Variants in ARK2C observed in about 807,000 individuals in gnomAD.
ARK2C encodes E3 ubiquitin-protein ligase ARK2C.
At chr18:46,360,634 A>C in the ARK2C span, among the ~76,000 whole-genome samples, 3 of 152,162 alleles carry the variant, frequency 2.0e-5, no homozygotes, top group African/African-American at 7.2e-5. Context: ...AGACCCCTGC[A>C]TTAGTAAATC....
At chr18:46,424,101 C>T in the ARK2C span, among the ~76,000 whole-genome samples, 2 of 152,188 alleles carry the variant, frequency 1.3e-5, no homozygotes, top group Non-Finnish European at 2.9e-5. Context: ...AACAAAATGC[C>T]AAGTATAATG....
At chr18:46,374,567 A>G in the ARK2C span, among the ~76,000 whole-genome samples, 7 of 152,108 alleles carry the variant, frequency 4.6e-5, no homozygotes, top group African/African-American at 1.7e-4. Flanking sequence ...TTCAGGGTTC[A>G]CCTGTGCTGC....
the ARK2C span, chr18:46,450,248 G>T: frequency 1.6e-6 from 2 of 1,260,734 alleles, no homozygotes; most frequent in Non-Finnish European, 2.3e-6. Flanking sequence ...TGGGCTCATG[G>T]AGAAACCTTG....
the ARK2C span, among the ~76,000 whole-genome samples, chr18:46,370,350 C>G: frequency 6.6e-6 from 1 of 152,274 alleles, no homozygotes; most frequent in Non-Finnish European, 1.5e-5. Context: ...TAATAAGGTG[C>G]TAAGCCAAAA....
At chr18:46,385,052 C>T in the ARK2C span, among the ~76,000 whole-genome samples, 1 of 152,058 alleles carries the variant, frequency 6.6e-6, no homozygotes, top group African/African-American at 2.4e-5. Flanking sequence ...TGCAGGGCTC[C>T]CTTTCAGTTG....
the ARK2C span, among the ~76,000 whole-genome samples, chr18:46,431,471 A>G: frequency 0.13 from 19,876 of 152,092 alleles, 1,508 homozygotes; most frequent in African/African-American, 0.21. Flanking sequence ...AGCTCTTCCT[A>G]GGACCAATGA....
chr18:46,397,071 G>A, the ARK2C span, among the ~76,000 whole-genome samples: 11 of 152,222 alleles, frequency 7.2e-5, no homozygotes, highest in East Asian at 3.8e-4. Flanking sequence ...TCAGGAGTCC[G>A]TGAGGTTGGC....
At chr18:46,422,815 A>G in the ARK2C span, among the ~76,000 whole-genome samples, 8 of 152,214 alleles carry the variant, frequency 5.3e-5, no homozygotes, top group African/African-American at 1.7e-4. Context: ...GGGCCTCTGC[A>G]TGGACATCTG....
chr18:46,443,955 C>A, the ARK2C span, among the ~76,000 whole-genome samples: 4 of 152,104 alleles, frequency 2.6e-5, no homozygotes, highest in Admixed American at 2.6e-4. Context: ...TGCACTCTCT[C>A]AACTTTTTGA....
the ARK2C span, among the ~76,000 whole-genome samples, chr18:46,380,825 C>T: frequency 6.6e-6 from 1 of 152,234 alleles, no homozygotes. Context: ...GACCAGGTGC[C>T]CTTCCTGCAG....
chr18:46,397,562 GT>G, the ARK2C span, among the ~76,000 whole-genome samples: 73 of 96,224 alleles, frequency 7.6e-4, no homozygotes, highest in African/African-American at 3.3e-3. Flanking sequence ...GTGTGAGGGT[GT>G]GTGTGTGTGT....
the ARK2C span, among the ~76,000 whole-genome samples, chr18:46,416,112 G>T: frequency 6.6e-6 from 1 of 152,274 alleles, no homozygotes; most frequent in Admixed American, 6.5e-5. Flanking sequence ...TTGTCTATTT[G>T]CCAGCACATC....
the ARK2C span, among the ~76,000 whole-genome samples, chr18:46,337,831 G>T: frequency 1.4e-5 from 2 of 139,918 alleles, no homozygotes; most frequent in African/African-American, 5.3e-5. Flanking sequence ...GTACAGATAT[G>T]GTGACTTTAA....
the ARK2C span, among the ~76,000 whole-genome samples, chr18:46,407,047 T>G: frequency 1.2e-4 from 19 of 152,234 alleles, no homozygotes; most frequent in African/African-American, 4.6e-4. Context: ...TGAACTCGAC[T>G]TTTGCCTCGG....
chr18:46,347,846 G>A, the ARK2C span, among the ~76,000 whole-genome samples: 1 of 152,160 alleles, frequency 6.6e-6, no homozygotes, highest in African/African-American at 2.4e-5. Context: ...CAGGGTGATA[G>A]TGAGGCTCAG....
chr18:46,388,405 G>C, the ARK2C span, among the ~76,000 whole-genome samples: 1 of 152,126 alleles, frequency 6.6e-6, no homozygotes, highest in African/African-American at 2.4e-5. Flanking sequence ...TTTGATCCTG[G>C]GACCCTTCAG....
the ARK2C span, among the ~76,000 whole-genome samples, chr18:46,363,311 G>A: frequency 1.3e-5 from 2 of 152,156 alleles, no homozygotes; most frequent in South Asian, 2.1e-4. Context: ...GGAAGCAAAG[G>A]CCAGGTCTTC....
chr18:46,339,012 C>T, the ARK2C span, among the ~76,000 whole-genome samples: 2,106 of 152,306 alleles, frequency 0.014, 54 homozygotes, highest in African/African-American at 0.048. Context: ...TTCTCGTGCT[C>T]TTCCCAGCCT....
At chr18:46,389,869 T>C in the ARK2C span, among the ~76,000 whole-genome samples, 3 of 152,254 alleles carry the variant, frequency 2.0e-5, no homozygotes, top group South Asian at 4.1e-4. Flanking sequence ...GTTGGGACTA[T>C]AGGCACGTGC....
Sources: gnomAD v4.1 joint callset for allele counts (sites outside exome capture counted in the v4.1 genomes callset) on GRCh38, gnomAD v4.1.1 for gene constraint, MANE v1.5 for transcripts, NCBI Gene and HGNC (gene_info 2026-07-23, HGNC 2026-07-21) for gene names.